YARS1: variants seen among roughly 807,000 people sequenced by gnomAD.
YARS1 encodes tyrosyl-tRNA synthetase 1.
YARS1 carries 36 observed loss-of-function variants against 62.2 expected under a neutral mutation model. The observed-to-expected ratio is 0.58, with a 90% CI of 0.44 to 0.76. YARS1 has a LOEUF of 0.76. Among genes scored for constraint, YARS1 ranks in the 30% least tolerant of loss-of-function variants. YARS1 has a pLI of 0.00. For missense variants in YARS1, 524 were observed against 639.8 expected, an observed-to-expected ratio of 0.82 and a Z score of 1.95; for synonymous variants, 234 against 244.9, an observed-to-expected ratio of 0.96 and a Z score of 0.42.
intron 1 of YARS1, 124 bp downstream of exon 1, chr1:32,817,064 T>C: frequency 1.6e-6 from 2 of 1,263,308 alleles, no homozygotes; most frequent in Non-Finnish European, 2.3e-6. Context: ...CTACAGGCTC[T>C]CTCAGAGCTG....
intron 5 of YARS1, among the ~76,000 whole-genome samples, chr1:32,796,104 C>T (rs1653572255): frequency 6.6e-6 from 1 of 151,760 alleles, no homozygotes; most frequent in Non-Finnish European, 1.5e-5. Context: ...ATCAGCCTGG[C>T]CAACATAGTG....
At chr1:32,801,214 A>G (rs928145340) in intron 4 of YARS1, among the ~76,000 whole-genome samples, 2 of 152,144 alleles carry the variant, frequency 1.3e-5, no homozygotes. Context: ...TAGAAAATGC[A>G]TATATTTAAC....
chr1:32,816,820 C>G (rs901363286), intron 1 of YARS1: 6 of 383,834 alleles, frequency 1.6e-5, no homozygotes, highest in African/African-American at 1.2e-4. Flanking sequence ...TTACTTGAAC[C>G]GTAATGGGTC....
At chr1:32,810,856 CT>C in intron 2 of YARS1, 54 bp downstream of exon 2, 1 of 1,614,046 alleles carries the variant, frequency 6.2e-7, no homozygotes, top group Non-Finnish European at 8.5e-7. Flanking sequence ...CTTGTTAAGT[CT>C]CTCTTGGGTC....
chr1:32,775,890 TGAG>T lies in YARS1; in HGVS notation c.*88_*90del. The T allele has an allele frequency of 8.1e-7, 1 of 1,236,240 alleles. No individual in the cohort carries two copies. The highest frequency in any genetic ancestry group is 2.4e-5 in the East Asian group (1 of 42,324). The allele number at this position is 1,236,240 out of a possible 1,614,324, so 76.6% of individuals were successfully genotyped here. On this transcript the variant is annotated 3_prime_UTR_variant, in exon 13 of 13. Coordinates refer to ENST00000373477, the MANE Select transcript of YARS1 (RefSeq NM_003680.4). ...GTCCAAACCCGCTGCTTCCGTGTCC[TGAG>T]AGATGGGTAAATGGGTGATGGATGG...
chr1:32,806,162 C>A (rs1282349479), intron 4 of YARS1, among the ~76,000 whole-genome samples: 5 of 152,150 alleles, frequency 3.3e-5, no homozygotes, highest in Non-Finnish European at 5.9e-5. Flanking sequence ...CTTATACGGG[C>A]ACAGTTTGTG....
At chr1:32,793,526 C>G (rs1455046301) in intron 5 of YARS1, among the ~76,000 whole-genome samples, 1 of 152,048 alleles carries the variant, frequency 6.6e-6, no homozygotes, top group Non-Finnish European at 1.5e-5. Context: ...TGCCCATAGT[C>G]CCAGCTACTT....
intron 5 of YARS1, among the ~76,000 whole-genome samples, chr1:32,796,933 C>T (rs1367365817): frequency 1.6e-5 from 2 of 122,508 alleles, no homozygotes; most frequent in South Asian, 2.8e-4. Context: ...CCATTGCACT[C>T]CAGCCTGGGT....
At chr1:32,810,505 A>G (rs1638559575) in intron 3 of YARS1, 86 bp downstream of exon 3, 3 of 1,553,834 alleles carry the variant, frequency 1.9e-6, no homozygotes, top group Non-Finnish European at 2.7e-6. Flanking sequence ...CTTCTAATCT[A>G]AATGTAAAGA....
chr1:32,795,168 A>C (rs894323590), intron 5 of YARS1, among the ~76,000 whole-genome samples: 1 of 150,550 alleles, frequency 6.6e-6, no homozygotes, highest in African/African-American at 2.4e-5. Flanking sequence ...AAATACAAAA[A>C]ATTAGCAGGG....
chr1:32,810,363 T>A lies in YARS1; in HGVS notation c.380+228A>T, dbSNP rs189933038. On this transcript the variant is annotated intron_variant, in intron 3 of 12. Coordinates refer to ENST00000373477, the MANE Select transcript of YARS1 (RefSeq NM_003680.4). ...GGCCAAGGACTTTGTTTTGGTTACGTTTATATTTCCAGCAAATAGGACAGT... is the reference window on the plus strand; with the variant it reads ...GGCCAAGGACTTTGTTTTGGTTACGATTATATTTCCAGCAAATAGGACAGT... Among the ~76,000 whole-genome samples, 643 of 152,316 alleles carry A rather than the reference T, an allele frequency of 4.2e-3. 5 individuals carry two copies. Among genetic ancestry groups the A allele is most frequent in the Non-Finnish European group, 7.6e-3 (519 of 68,026 alleles).
At chr1:32,806,456 C>T (rs772784805) in intron 4 of YARS1, 26 bp downstream of exon 4, 22 of 1,613,272 alleles carry the variant, frequency 1.4e-5, no homozygotes, top group African/African-American at 2.7e-5. Context: ...AAAAGGTCAT[C>T]GGGCCACTCC....
chr1:32,786,033 G>A (rs941253264), intron 8 of YARS1, among the ~76,000 whole-genome samples: 61 of 152,176 alleles, frequency 4.0e-4, no homozygotes, highest in African/African-American at 1.3e-3. Flanking sequence ...CCACTCGTGT[G>A]TATAAGATTA....
intron 8 of YARS1, among the ~76,000 whole-genome samples, chr1:32,785,954 G>A (rs1653212460): frequency 6.6e-6 from 1 of 151,638 alleles, no homozygotes; most frequent in South Asian, 2.1e-4. Flanking sequence ...AAAACAGAAT[G>A]GTTGTATGGG....
intron 6 of YARS1, among the ~76,000 whole-genome samples, chr1:32,787,571 G>A (rs1273722228): frequency 6.6e-6 from 1 of 150,402 alleles, no homozygotes; most frequent in Non-Finnish European, 1.5e-5. Flanking sequence ...GTGCAGTGGC[G>A]CCATCTGAGC....
chr1:32,813,028 A>C (rs1249226541), intron 1 of YARS1, among the ~76,000 whole-genome samples: 1 of 151,618 alleles, frequency 6.6e-6, no homozygotes, highest in Non-Finnish European at 1.5e-5. Flanking sequence ...ACTCAAGCTG[A>C]CTTCAATTCT....
chr1:32,797,048 A>G (rs1277620891), intron 5 of YARS1, among the ~76,000 whole-genome samples: 1 of 82,468 alleles, frequency 1.2e-5, no homozygotes, highest in African/African-American at 5.4e-5. Context: ...ATATATATAT[A>G]TAGTAAGCAT....
chr1:32,783,117 A>G (rs1241038332), intron 8 of YARS1: 1 of 156,880 alleles, frequency 6.4e-6, no homozygotes, highest in Non-Finnish European at 1.4e-5. Context: ...CTGCCTCCCA[A>G]AGTGCTAGGA....
At chr1:32,817,148 C>G (rs1478043926) in intron 1 of YARS1, 40 bp downstream of exon 1, 1 of 1,612,842 alleles carries the variant, frequency 6.2e-7, no homozygotes, top group South Asian at 1.1e-5. Flanking sequence ...ACCTCGGGCT[C>G]CTAATCCCCA....
Sources: allele counts gnomAD v4.1 joint callset (sites outside exome capture counted in the v4.1 genomes callset), GRCh38; gene constraint gnomAD v4.1.1; transcripts MANE v1.5; gene names NCBI Gene and HGNC (gene_info 2026-07-23, HGNC 2026-07-21).